Variants in SDK1 observed in about 807,000 individuals in gnomAD.
SDK1 encodes the protein sidekick cell adhesion molecule 1, also known as protein sidekick-1.
Under a neutral mutation model 245.5 loss-of-function variants are expected in SDK1, and 157 were observed. The observed-to-expected ratio is 0.64, with a 90% confidence interval of 0.56 to 0.73. The LOEUF (loss-of-function observed/expected upper bound fraction) is 0.73. Ranked by LOEUF, SDK1 falls within the 30% of genes least tolerant of loss-of-function variation. The probability of loss-of-function intolerance (pLI) is 0.00; values close to 1 mark genes in which losing one functional copy is unlikely to be tolerated. For synonymous variants in SDK1, 1,647 were observed against 1,278.5 expected, an observed-to-expected ratio of 1.29 and a Z score of -6.15; for missense variants, 3,583 against 3,002.3, an observed-to-expected ratio of 1.19 and a Z score of -4.52.
intron 17 of SDK1, among the ~76,000 whole-genome samples, chr7:4,037,413 G>A (rs555575059): frequency 2.0e-5 from 3 of 152,220 alleles, no homozygotes; most frequent in South Asian, 2.1e-4. Context: ...GAAGCCAGGG[G>A]CTTGAGACCA....
intron 17 of SDK1, among the ~76,000 whole-genome samples, chr7:4,021,839 C>T (rs1246634850): frequency 6.6e-6 from 1 of 152,226 alleles, no homozygotes; most frequent in African/African-American, 2.4e-5. Context: ...AAGCTCACAG[C>T]TTCTGCCTCA....
At chr7:3,655,479 A>ATATATATATATATATATG (rs1783145471) in intron 4 of SDK1, among the ~76,000 whole-genome samples, 3 of 94,348 alleles carry the variant, frequency 3.2e-5, no homozygotes, top group African/African-American at 1.2e-4. Flanking sequence ...ATATATATAT[A>ATATATATATATATATATG]TATATATATA....
chr7:3,477,535 A>G (rs1243924500), intron 1 of SDK1, among the ~76,000 whole-genome samples: 2 of 139,022 alleles, frequency 1.4e-5, no homozygotes, highest in Middle Eastern at 3.9e-3. Flanking sequence ...TTTTTAAGAG[A>G]TGGGGGTCTC....
chr7:3,352,465 A>G (rs1780685456), intron 1 of SDK1, among the ~76,000 whole-genome samples: 1 of 152,094 alleles, frequency 6.6e-6, no homozygotes, highest in Non-Finnish European at 1.5e-5. Context: ...AAAACACGAG[A>G]TTTACATCCA....
At chr7:3,393,125 C>T (rs1781804153) in intron 1 of SDK1, among the ~76,000 whole-genome samples, 1 of 151,812 alleles carries the variant, frequency 6.6e-6, no homozygotes, top group Non-Finnish European at 1.5e-5. Context: ...TGCCTGCCAC[C>T]ACGCCTGGCT....
intron 1 of SDK1, among the ~76,000 whole-genome samples, chr7:3,508,515 A>G (rs1273218155): frequency 6.6e-6 from 1 of 151,782 alleles, no homozygotes; most frequent in African/African-American, 2.4e-5. Context: ...TTTAGTAGAG[A>G]TGGGGTTTTA....
rs543022593 is a variant in SDK1 at position 4,058,075 on chromosome 7, A to G, written c.2911+6245A>G. 6.6e-5 allele frequency among the ~76,000 whole-genome samples: 10 copies of G among 152,290 alleles called. No individual in the cohort carries two copies. In the South Asian group the frequency reaches 2.1e-3, roughly 32 times the overall value. On this transcript the variant is annotated intron_variant, in intron 19 of 44. Coordinates refer to ENST00000404826, the MANE Select transcript of SDK1 (RefSeq NM_152744.4). ...GATTCCAATGAAAAAGAAATTATGA[A>G]ATCCCAGAAAAAAAATAAAAAATAA...
intron 1 of SDK1, among the ~76,000 whole-genome samples, chr7:3,540,514 G>C (rs915614090): frequency 1.3e-5 from 2 of 151,852 alleles, no homozygotes; most frequent in Non-Finnish European, 2.9e-5. Context: ...TAAAGAACCA[G>C]AGAGAGAAGT....
chr7:3,865,651 G>T (rs1780802706), intron 5 of SDK1, among the ~76,000 whole-genome samples: 1 of 151,918 alleles, frequency 6.6e-6, no homozygotes, highest in South Asian at 2.1e-4. Flanking sequence ...TGGGACTACA[G>T]GTGTGTACCA....
intron 35 of SDK1, among the ~76,000 whole-genome samples, chr7:4,201,091 C>T (rs1584430911): frequency 6.6e-6 from 1 of 152,246 alleles, no homozygotes; most frequent in Non-Finnish European, 1.5e-5. Context: ...GGGCTATGCA[C>T]TTGCCCAGAC....
intron 1 of SDK1, among the ~76,000 whole-genome samples, chr7:3,351,802 A>G (rs77035258): frequency 0.02 from 2,971 of 152,284 alleles, 92 homozygotes; most frequent in African/African-American, 0.061. Context: ...TGGGAAGTTA[A>G]CATACCTTTC....
chr7:4,203,119 C>T (rs1431341080), intron 35 of SDK1, among the ~76,000 whole-genome samples: 2 of 152,234 alleles, frequency 1.3e-5, no homozygotes, highest in South Asian at 2.1e-4. Flanking sequence ...CACCCCTTCC[C>T]GCAGAGGCAG....
chr7:4,012,111 G>T lies in SDK1; in HGVS notation c.2296G>T (p.Glu766Ter). Residue 766 changes from glutamate to a stop codon, truncating the protein, a stop_gained, in exon 16 of 45, where the codon GAA (glutamate) becomes TAA (stop). Transcript: ENST00000404826. LOFTEE classifies it high-confidence loss of function. ...AETSRLMLPE[E>*]PPSAPPKNIV... ...TATTTATAGGTTGATGCTACCTGAA[G>T]AACCACCCAGTGCTCCCCCGAAAAA... The T allele has an allele frequency of 6.4e-7, 1 of 1,558,780 alleles. No homozygotes were observed. The highest frequency in any genetic ancestry group is 8.7e-7 in the Non-Finnish European group (1 of 1,153,794).
intron 5 of SDK1, among the ~76,000 whole-genome samples, chr7:3,890,033 C>T (rs1010597052): frequency 2.0e-5 from 3 of 152,224 alleles, no homozygotes; most frequent in African/African-American, 7.2e-5. Flanking sequence ...ATTGGCTCAA[C>T]ATTTCCTAAA....
intron 1 of SDK1, among the ~76,000 whole-genome samples, chr7:3,335,040 T>C (rs968946772): frequency 2.6e-5 from 4 of 152,200 alleles, no homozygotes; most frequent in African/African-American, 9.6e-5. Context: ...TTCTCTGCTT[T>C]TAAAACATAC....
chr7:3,401,463 T>C (rs1399364491), intron 1 of SDK1, among the ~76,000 whole-genome samples: 1 of 152,196 alleles, frequency 6.6e-6, no homozygotes, highest in Non-Finnish European at 1.5e-5. Context: ...TAGAGTCAAA[T>C]GGTACTTGCC....
At chr7:3,378,235 G>A (rs928539715) in intron 1 of SDK1, among the ~76,000 whole-genome samples, 3 of 152,052 alleles carry the variant, frequency 2.0e-5, no homozygotes, top group East Asian at 3.9e-4. Flanking sequence ...CATAGTTTTG[G>A]TCTCACATAT....
At chr7:3,598,756 A>G (rs1266280765) in intron 1 of SDK1, among the ~76,000 whole-genome samples, 1 of 152,228 alleles carries the variant, frequency 6.6e-6, no homozygotes, top group African/African-American at 2.4e-5. Flanking sequence ...AGCAAAATTC[A>G]CTGCAAATTT....
chr7:3,561,671 T>C (rs962428618), intron 1 of SDK1, among the ~76,000 whole-genome samples: 1 of 152,190 alleles, frequency 6.6e-6, no homozygotes, highest in Non-Finnish European at 1.5e-5. Context: ...TTTCTCCTTA[T>C]ATGGATTATA....
Sources: allele counts gnomAD v4.1 joint callset (sites outside exome capture counted in the v4.1 genomes callset), GRCh38; gene constraint gnomAD v4.1.1; transcripts MANE v1.5; gene names NCBI Gene and HGNC (gene_info 2026-07-23, HGNC 2026-07-21).